The following SLC30A3 variants were observed in gnomAD, a reference collection of about 807,000 sequenced individuals.
SLC30A3 encodes the protein probable proton-coupled zinc antiporter SLC30A3.
SLC30A3 carries 20 observed loss-of-function variants against 35.6 expected under a neutral mutation model. That is an observed-to-expected ratio of 0.56 (90% CI 0.39 to 0.82). SLC30A3 has a LOEUF of 0.82. SLC30A3 is among the 40% of genes least tolerant of loss of function. The pLI, the probability that SLC30A3 is intolerant of heterozygous loss-of-function variation, is 0.00. For synonymous variants in SLC30A3, 217 were observed against 224.7 expected, an observed-to-expected ratio of 0.97 and a Z score of 0.31; for missense variants, 401 against 530.6, an observed-to-expected ratio of 0.76 and a Z score of 2.40.
In SLC30A3 at chr2:27,254,888, C is replaced by G; in HGVS notation, c.*424G>C. ...GAGCGAGGGCCATGTGGGGAGGGGG[C>G]CCCTACTGACCTCCCCCAGGCATAG... On this transcript the variant is annotated 3_prime_UTR_variant, in exon 8 of 8. Coordinates refer to ENST00000233535, the MANE Select transcript of SLC30A3 (RefSeq NM_003459.5). 2 of 381,268 alleles carry G rather than the reference C, an allele frequency of 5.2e-6. No individual in the cohort carries two copies. The highest frequency in any genetic ancestry group is 2.1e-5 in the African/African-American group (1 of 47,096). 23.6% of individuals were successfully genotyped at this position (381,268 alleles called of 1,614,324 possible).
chr2:27,263,041 A>G lies in SLC30A3; in HGVS notation c.-135T>C. 7.3e-7 allele frequency: 1 copy of G among 1,374,964 alleles called. No individual in the cohort carries two copies. Among genetic ancestry groups the G allele is most frequent in the Non-Finnish European group, 9.3e-7 (1 of 1,070,474 alleles). 85.2% of individuals were successfully genotyped at this position (1,374,964 alleles called of 1,614,324 possible). A position where few individuals can be genotyped will look rare whatever the true frequency, so the allele number is the denominator to read the frequency against. The stretch of plus-strand genomic sequence containing the variant: ...GGGCCACCAGAGTGGAGCGAACTGC[A>G]GCGACTGTGGCGCGCGGAGTCCGAA... On this transcript the variant is annotated 5_prime_UTR_variant, in exon 1 of 8. Transcript: ENST00000233535.
At chr2:27,263,227 C>T, upstream of SLC30A3, 1 of 649,800 alleles carries the variant, frequency 1.5e-6, no homozygotes, top group African/African-American at 1.9e-5. Flanking sequence ...CACCCGAGTT[C>T]TGGAGAACTC....
At chr2:27,266,466 A>G (rs535824327), upstream of SLC30A3, among the ~76,000 whole-genome samples, 12 of 152,260 alleles carry the variant, frequency 7.9e-5, no homozygotes, top group South Asian at 1.9e-3. Flanking sequence ...CCATGGAGCT[A>G]TCATCCAGTT....
chr2:27,261,150 T>C (rs1484532259), intron 1 of SLC30A3, among the ~76,000 whole-genome samples: 2 of 152,062 alleles, frequency 1.3e-5, no homozygotes, highest in Non-Finnish European at 2.9e-5. Context: ...AAGACGAGGT[T>C]TGTGGCTTGG....
At chr2:27,265,811 TTC>T (rs1677472223), upstream of SLC30A3, among the ~76,000 whole-genome samples, 1 of 152,152 alleles carries the variant, frequency 6.6e-6, no homozygotes, top group Non-Finnish European at 1.5e-5. The surrounding 1 kb of genome is among the most constrained non-coding windows in gnomAD (Gnocchi z 5.9). Context: ...CAGGAATTGT[TTC>T]TTTCTCATCT....
In SLC30A3 at chr2:27,255,326, G is replaced by A. The variant is rs1036226245; in HGVS notation, c.1153C>T (p.Pro385Ser). The A allele has an allele frequency of 2.5e-6, 4 of 1,614,114 alleles. No homozygotes were observed. Among genetic ancestry groups the A allele is most frequent in the Non-Finnish European group, 3.4e-6 (4 of 1,180,016 alleles). The change falls in exon 8 of 8, where the codon CCC becomes TCC. Residue 385 changes from proline to serine, a missense_variant. By Grantham distance (74) the Pro-to-Ser change is moderately conservative (BLOSUM62 -1). Coordinates refer to ENST00000233535, the MANE Select transcript of SLC30A3 (RefSeq NM_003459.5). This position sits in a 1 kb window ranked among gnomAD's most constrained non-coding sequence, Gnocchi z 5.2. ...AGGGCCATGGCTCAGGCTTGGGGGG[G>A]TTCCTGGCAGCGCAGGCACTGGGCC... ...EMAQCLRCQE[P>S]PQA
upstream of SLC30A3, among the ~76,000 whole-genome samples, chr2:27,264,571 G>A (rs1379382072): frequency 6.6e-6 from 1 of 152,168 alleles, no homozygotes; most frequent in African/African-American, 2.4e-5. This position sits in a 1 kb window ranked among gnomAD's most constrained non-coding sequence, Gnocchi z 6.1. Context: ...AGAGCGGCAC[G>A]GGAGAGCCAC....
In SLC30A3 at chr2:27,256,423, C is replaced by A. The variant is rs753085081; in HGVS notation, c.981G>T (p.Thr327=). Residue 327 remains threonine (T), a synonymous_variant, in exon 7 of 8, where the codon ACG becomes ACT. Coordinates refer to ENST00000233535, the MANE Select transcript of SLC30A3 (RefSeq NM_003459.5). ...ATHELHLWAL[T]LTYHVASAHL... ...GTGCAGAGGCAACATGGTAAGTGAG[C>A]GTAAGGGCCCACAGGTGCAGCTCAT... 5.0e-6 allele frequency: 8 copies of A among 1,614,088 alleles called. No homozygotes were observed. In the South Asian group the frequency reaches 8.8e-5, roughly 18 times the overall value.
At chr2:27,269,239 C>T (rs1305427791) in intron 1 of SLC30A3, among the ~76,000 whole-genome samples, 4 of 127,808 alleles carry the variant, frequency 3.1e-5, no homozygotes, top group Admixed American at 2.9e-4. Flanking sequence ...CAGAGTCTTG[C>T]TCTGTTGCGA....
In SLC30A3 at chr2:27,257,324, G is replaced by C. The variant is rs748242857; in HGVS notation, c.607C>G (p.Pro203Ala). The change falls in exon 5 of 8, where the codon CCC (proline) becomes GCC (alanine). Residue 203 changes from proline (P) to alanine (A), a missense_variant. Physicochemically the swap from Pro to Ala is conservative, Grantham distance 27. Coordinates refer to ENST00000233535, the MANE Select transcript of SLC30A3 (RefSeq NM_003459.5). This position sits in a 1 kb window ranked among gnomAD's most constrained non-coding sequence, Gnocchi z 4.7. ...LMAFVLHQAGPPHSHGSRGAE... is the reference protein window; with the variant it reads ...LMAFVLHQAGAPHSHGSRGAE... ...CCCCTAGACCCGTGGCTGTGGGGGG[G>C]CCCAGCCTGGTGCAGCACAAAGGCC... 6.2e-7 allele frequency: 1 copy of C among 1,613,084 alleles called. No individual in the cohort carries two copies. The highest frequency in any genetic ancestry group is 1.7e-5 in the Admixed American group (1 of 59,888).
chr2:27,271,338 T>A lies in SLC30A3; in HGVS notation c.-159+3839A>T, dbSNP rs1413982545. Among the ~76,000 whole-genome samples, 1 of 152,234 alleles carries A rather than the reference T, an allele frequency of 6.6e-6. No individual in the cohort carries two copies. Among genetic ancestry groups the A allele is most frequent in the African/African-American group, 2.4e-5 (1 of 41,466 alleles). ...AAGGGATGCTTCTTCGTTTTCTCCATGAGAGACCAAATGGCTCTGAGTGGT... is the reference window on the plus strand; with the variant it reads ...AAGGGATGCTTCTTCGTTTTCTCCAAGAGAGACCAAATGGCTCTGAGTGGT... On this transcript the variant is annotated intron_variant, in intron 1 of 5. Coordinates refer to the SLC30A3 transcript ENST00000424577. This position sits in a 1 kb window ranked among gnomAD's most constrained non-coding sequence, Gnocchi z 4.3.
At position 27,257,262 on chromosome 2, in the gene SLC30A3, C is replaced by G; in HGVS notation, c.669G>C (p.Glu223Asp). Residue 223 changes from glutamate to aspartate, a missense_variant, in exon 5 of 8, where the codon GAG (glutamate) becomes GAC (aspartate). Physicochemically the swap from Glu to Asp is conservative, Grantham distance 45 (BLOSUM62 2). Transcript: ENST00000233535. The surrounding 1 kb of genome is among the most constrained non-coding windows in gnomAD (Gnocchi z 4.7). ...CGCTGGTGTTCCCCAGGGGCAGGGG[C>G]TCTTCAGGCCCCTCCTCCAGCGGTG... Reference protein sequence around the residue: ...EYAPLEEGPEEPLPLGNTSVR... With the variant: ...EYAPLEEGPEDPLPLGNTSVR... 1 of 1,614,046 alleles carries G rather than the reference C, an allele frequency of 6.2e-7. No homozygotes were observed. Among genetic ancestry groups the G allele is most frequent in the Non-Finnish European group, 8.5e-7 (1 of 1,179,974 alleles).
At chr2:27,268,064 T>G (rs1055010972) in intron 1 of SLC30A3, among the ~76,000 whole-genome samples, 2 of 152,224 alleles carry the variant, frequency 1.3e-5, no homozygotes, top group Non-Finnish European at 2.9e-5. Context: ...TTTACTCATT[T>G]TGTTTACTGT....
rs566237443 is a variant in SLC30A3, at chr2:27,271,260, A to ATG, written c.-159+3915_-159+3916dup. Among the ~76,000 whole-genome samples, 2 of 151,972 alleles carry ATG rather than the reference A, an allele frequency of 1.3e-5. No homozygotes were observed. The highest frequency in any genetic ancestry group is 4.1e-4 in the South Asian group (2 of 4,820). On this transcript the variant is annotated intron_variant, in intron 1 of 5. Transcript: ENST00000424577. The surrounding 1 kb of genome is among the most constrained non-coding windows in gnomAD (Gnocchi z 4.3). ...AAATATGCCAATGTCTGCTGTCTGT[A>ATG]TGTGTGTGTATTCCAGCTATATGAC...
chr2:27,274,033 C>T (rs1288599453), intron 1 of SLC30A3, among the ~76,000 whole-genome samples: 1 of 152,206 alleles, frequency 6.6e-6, no homozygotes, highest in Admixed American at 6.5e-5. Flanking sequence ...TGGCTCACGC[C>T]TTCAAGGGGG....
Position 27,258,425 on chromosome 2 carries a change from T to A in SLC30A3, c.278-118A>T. On this transcript the variant is annotated intron_variant, in intron 2 of 7. Coordinates refer to ENST00000233535, the MANE Select transcript of SLC30A3 (RefSeq NM_003459.5). This position sits in a 1 kb window ranked among gnomAD's most constrained non-coding sequence, Gnocchi z 4.0. The stretch of plus-strand genomic sequence containing the variant: ...AAATGTGATTTGGGGTTTTCTCAGG[T>A]GATGGGACTACAGGTATAATTAACT... The A allele has an allele frequency of 1.1e-6, 1 of 949,464 alleles. No homozygotes were observed. Among genetic ancestry groups the A allele is most frequent in the Non-Finnish European group, 1.5e-6 (1 of 654,428 alleles). 58.8% of individuals were successfully genotyped at this position (949,464 alleles called of 1,614,324 possible).
Position 27,262,712 on chromosome 2 carries a change from T to A in SLC30A3, c.95+100A>T. 8.4e-7 allele frequency: 1 copy of A among 1,194,728 alleles called. No homozygotes were observed. The highest frequency in any genetic ancestry group is 1.1e-6 in the Non-Finnish European group (1 of 893,870). 74.0% of individuals were successfully genotyped at this position (1,194,728 alleles called of 1,614,324 possible). On this transcript the variant is annotated intron_variant, in intron 1 of 7. Transcript: ENST00000233535. This position sits in a 1 kb window ranked among gnomAD's most constrained non-coding sequence, Gnocchi z 7.5. ...GCGGAGCGAGGGACCCGCGGTGCGCTGGGGCGGCCGCCGGGGCCCGCGCCG... is the reference window on the plus strand; with the variant it reads ...GCGGAGCGAGGGACCCGCGGTGCGCAGGGGCGGCCGCCGGGGCCCGCGCCG...
chr2:27,259,029 T>C lies in SLC30A3; in HGVS notation c.96-95A>G. ...CCCCAGTGCTGGCCTCATCAGACCA[T>C]CTCCTTCCCCAGGCCTGGTCGTATC... On this transcript the variant is annotated intron_variant, in intron 1 of 7. Transcript: ENST00000233535. The C allele has an allele frequency of 4.0e-6, 4 of 996,490 alleles. No homozygotes were observed. The African/African-American group carries it at 4.9e-5, about 12-fold the overall frequency. The allele number at this position is 996,490 out of a possible 1,614,324, so 61.7% of individuals were successfully genotyped here. A position where few individuals can be genotyped will look rare whatever the true frequency, so the allele number is the denominator to read the frequency against.
At chr2:27,269,963 G>A (rs1212010170) in intron 1 of SLC30A3, among the ~76,000 whole-genome samples, 2 of 152,176 alleles carry the variant, frequency 1.3e-5, no homozygotes, top group African/African-American at 4.8e-5. Flanking sequence ...CAGAGATGTA[G>A]GAAGAGAACC....
Sources: allele counts gnomAD v4.1 joint callset (sites outside exome capture counted in the v4.1 genomes callset), GRCh38; gene constraint gnomAD v4.1.1; non-coding constraint Gnocchi (gnomAD v3.1); transcripts MANE v1.5; gene names NCBI Gene and HGNC (gene_info 2026-07-23, HGNC 2026-07-21).